The following CCSER1 variants were observed in gnomAD, a reference collection of about 807,000 sequenced individuals.
CCSER1 encodes serine-rich coiled-coil domain-containing protein 1.
CCSER1 carries 41 observed loss-of-function variants against 82.0 expected under a neutral mutation model. The observed-to-expected ratio is 0.50, with a 90% confidence interval of 0.39 to 0.65. The LOEUF (loss-of-function observed/expected upper bound fraction) is 0.65, where lower values mean the gene tolerates loss of function less well. CCSER1 is among the 30% of genes least tolerant of loss of function. The pLI is 0.00. For synonymous variants in CCSER1, 414 were observed against 383.9 expected (o/e 1.08, Z -0.92); for missense variants, 1,119 against 1,064.2 (o/e 1.05, Z -0.72).
chr4:90,832,608 A>G (rs567883372), intron 8 of CCSER1, among the ~76,000 whole-genome samples: 3 of 152,296 alleles, frequency 2.0e-5, no homozygotes, highest in South Asian at 4.1e-4. Flanking sequence ...ATCAGTCATT[A>G]AGCAAATGAT....
At chr4:90,567,672 C>CA (rs1779574061) in intron 5 of CCSER1, among the ~76,000 whole-genome samples, 1 of 145,420 alleles carries the variant, frequency 6.9e-6, no homozygotes, top group African/African-American at 2.6e-5. Flanking sequence ...GTGGTATGAT[C>CA]ACAGCTCACT....
intron 10 of CCSER1, chr4:91,325,346 C>T: frequency 2.7e-6 from 1 of 366,276 alleles, no homozygotes; most frequent in South Asian, 2.1e-5. Context: ...GAAACTATTG[C>T]CAATATCTTA....
At chr4:90,132,532 C>G (rs1052735753) in intron 1 of CCSER1, among the ~76,000 whole-genome samples, 6 of 152,124 alleles carry the variant, frequency 3.9e-5, no homozygotes, top group African/African-American at 1.4e-4. Flanking sequence ...AAATATAAAG[C>G]TGACTATTCT....
intron 10 of CCSER1, among the ~76,000 whole-genome samples, chr4:91,446,665 TTAAA>T (rs1339461838): frequency 1.0e-4 from 5 of 49,416 alleles, no homozygotes; most frequent in African/African-American, 3.2e-4. Context: ...AATATATATT[TTAAA>T]TAAATAAATA....
chr4:90,855,929 C>T (rs1764413853), intron 8 of CCSER1, among the ~76,000 whole-genome samples: 1 of 152,020 alleles, frequency 6.6e-6, no homozygotes, highest in Non-Finnish European at 1.5e-5. Context: ...CACATTCATT[C>T]ATTCATTGAA....
At chr4:91,144,224 T>C (rs77990853) in intron 10 of CCSER1, among the ~76,000 whole-genome samples, 215 of 152,092 alleles carry the variant, frequency 1.4e-3, no homozygotes, top group Non-Finnish European at 2.7e-3. Context: ...ATCCATTTTT[T>C]TTCTAGATTT....
chr4:90,247,711 A>G (rs1477038980), intron 1 of CCSER1, among the ~76,000 whole-genome samples: 1 of 152,040 alleles, frequency 6.6e-6, no homozygotes, highest in African/African-American at 2.4e-5. Context: ...GGAATATATA[A>G]TAAATTACGT....
At chr4:90,441,994 C>T (rs1035642098) in intron 4 of CCSER1, among the ~76,000 whole-genome samples, 7 of 152,174 alleles carry the variant, frequency 4.6e-5, no homozygotes, top group Admixed American at 4.6e-4. Flanking sequence ...ACATTTCAGT[C>T]CTGTGGAACC....
At chr4:90,881,726 A>C (rs117023081) in intron 8 of CCSER1, among the ~76,000 whole-genome samples, 1 of 152,326 alleles carries the variant, frequency 6.6e-6, no homozygotes, top group East Asian at 1.9e-4. Flanking sequence ...CAGAGGTTTC[A>C]GTGAGCCAAG....
intron 1 of CCSER1, among the ~76,000 whole-genome samples, chr4:90,274,234 A>G (rs896014814): frequency 6.6e-6 from 1 of 152,194 alleles, no homozygotes; most frequent in African/African-American, 2.4e-5. Context: ...ACATTGGTTA[A>G]GGGCACAAGA....
intron 10 of CCSER1, among the ~76,000 whole-genome samples, chr4:91,254,370 A>G (rs983938531): frequency 6.6e-6 from 1 of 152,204 alleles, no homozygotes; most frequent in East Asian, 1.9e-4. Flanking sequence ...TATTATTCAG[A>G]TATATAGAGA....
At chr4:90,315,646 AGT>A (rs1187445943) in intron 3 of CCSER1, among the ~76,000 whole-genome samples, 1 of 151,870 alleles carries the variant, frequency 6.6e-6, no homozygotes, top group African/African-American at 2.4e-5. Flanking sequence ...TGGGACCACA[AGT>A]GTGTGCCACC....
In CCSER1 at chr4:90,651,087, TAGAGAG is replaced by T. The variant is rs539019789; in HGVS notation, c.1932+22857_1932+22862del. Reference sequence around the variant, plus strand: ...GATGAGAAAGGCTAATTACTACAGATAGAGAGAAAGAGAAATTTTCTCCTTTCTCTT... The same window carrying T: ...GATGAGAAAGGCTAATTACTACAGATAAAGAGAAATTTTCTCCTTTCTCTT... On this transcript the variant is annotated intron_variant, in intron 6 of 10. Transcript: ENST00000509176. Among the ~76,000 whole-genome samples, 737 of 152,322 alleles carry T rather than the reference TAGAGAG, an allele frequency of 4.8e-3. 4 individuals are homozygous for T. The highest frequency in any genetic ancestry group is 6.6e-3 in the Non-Finnish European group (448 of 68,020).
chr4:90,630,931 T>A (rs940328738), intron 6 of CCSER1, among the ~76,000 whole-genome samples: 4 of 150,710 alleles, frequency 2.7e-5, no homozygotes, highest in Admixed American at 2.0e-4. Flanking sequence ...TCTCGCTCTG[T>A]CACCCAGGCT....
chr4:91,353,708 T>C (rs1419531810), intron 10 of CCSER1, among the ~76,000 whole-genome samples: 1 of 152,224 alleles, frequency 6.6e-6, no homozygotes, highest in Non-Finnish European at 1.5e-5. Flanking sequence ...AGTATGCTTG[T>C]GCTGAAGCAT....
chr4:90,733,397 A>G (rs1745090475), intron 7 of CCSER1, among the ~76,000 whole-genome samples: 1 of 152,130 alleles, frequency 6.6e-6, no homozygotes, highest in African/African-American at 2.4e-5. Context: ...TTTTTGTCCT[A>G]TAGAGTTGTT....
chr4:91,093,581 A>G (rs1248139978), intron 10 of CCSER1, among the ~76,000 whole-genome samples: 1 of 152,220 alleles, frequency 6.6e-6, no homozygotes, highest in Non-Finnish European at 1.5e-5. Context: ...TGTAGCTGCC[A>G]GGGCTCTCAG....
intron 1 of CCSER1, among the ~76,000 whole-genome samples, chr4:90,136,101 A>G (rs1001969126): frequency 6.6e-6 from 1 of 152,226 alleles, no homozygotes; most frequent in East Asian, 1.9e-4. Flanking sequence ...TTTAGAATGT[A>G]GAAAAATTGA....
chr4:90,252,533 C>G lies in CCSER1; in HGVS notation c.-41-55711C>G, dbSNP rs562081573. ...TGTGGGTACATATATTTAAGGGATA[C>G]ATGAGGTATTTTGACACAGGCATGT... is the stretch of plus-strand genomic sequence containing the variant. On this transcript the variant is annotated intron_variant, in intron 1 of 10. Coordinates refer to ENST00000509176, the MANE Select transcript of CCSER1 (RefSeq NM_001145065.2). 7.3e-5 allele frequency among the ~76,000 whole-genome samples: 11 copies of G among 151,640 alleles called. No individual in the cohort carries two copies. The South Asian group carries it at 2.3e-3, about 32-fold the overall frequency.
Sources: allele counts gnomAD v4.1 joint callset (sites outside exome capture counted in the v4.1 genomes callset), GRCh38; gene constraint gnomAD v4.1.1; transcripts MANE v1.5; gene names NCBI Gene and HGNC (gene_info 2026-07-23, HGNC 2026-07-21).